Variants in FAM184A observed in about 807,000 individuals in gnomAD.
FAM184A encodes protein FAM184A.
A neutral mutation model predicts 143.8 loss-of-function variants in FAM184A; 99 were observed. The observed-to-expected ratio is 0.69, with a 90% CI of 0.58 to 0.81. The LOEUF (loss-of-function observed/expected upper bound fraction) is 0.81. FAM184A is among the 40% of genes least tolerant of loss of function. The pLI, the probability that FAM184A is intolerant of heterozygous loss-of-function variation, is 0.00. For missense variants in FAM184A, 1,217 were observed against 1,310.5 expected (o/e 0.93, Z 1.10); for synonymous variants, 427 against 446.4 (o/e 0.96, Z 0.55).
chr6:119,070,349 T>G (rs564595487), intron 1 of FAM184A, among the ~76,000 whole-genome samples: 7 of 152,190 alleles, frequency 4.6e-5, no homozygotes, highest in Non-Finnish European at 8.8e-5. Flanking sequence ...CTAAAATTTT[T>G]GCTTGGTCTT....
chr6:119,115,970 A>AAC (rs66707302), intron 1 of FAM184A, among the ~76,000 whole-genome samples: 11,726 of 137,312 alleles, frequency 0.085, 503 homozygotes, highest in Middle Eastern at 0.19. Flanking sequence ...CTCCGTCTCA[A>AAC]ACACACACAC....
At chr6:118,996,992 G>A (rs1278801583) in intron 9 of FAM184A, among the ~76,000 whole-genome samples, 1 of 96,002 alleles carries the variant, frequency 1.0e-5, no homozygotes, top group Non-Finnish European at 2.2e-5. Flanking sequence ...CCCACATGCT[G>A]GGATTACAGG....
intron 1 of FAM184A, among the ~76,000 whole-genome samples, chr6:119,124,695 GAA>G (rs528390518): frequency 4.4e-4 from 67 of 151,830 alleles, no homozygotes; most frequent in African/African-American, 1.5e-3. Context: ...AATAAAACGT[GAA>G]AAGACATTAA....
intron 1 of FAM184A, among the ~76,000 whole-genome samples, chr6:119,118,799 A>G (rs1006850946): frequency 2.0e-5 from 3 of 152,118 alleles, no homozygotes; most frequent in Non-Finnish European, 2.9e-5. Flanking sequence ...ACAATATGAA[A>G]TCTGGGCACC....
chr6:119,058,433 C>T (rs1429686257), intron 1 of FAM184A, among the ~76,000 whole-genome samples: 1 of 152,020 alleles, frequency 6.6e-6, no homozygotes, highest in Non-Finnish European at 1.5e-5. Context: ...AAACTCCTGA[C>T]TTCAGGTGAT....
At position 118,974,550 on chromosome 6, in the gene FAM184A, C is replaced by G. The variant is rs754511252; in HGVS notation, c.2793G>C (p.Lys931Asn). 2.5e-6 allele frequency: 4 copies of G among 1,606,784 alleles called. No homozygotes were observed. Among genetic ancestry groups the G allele is most frequent in the African/African-American group, 2.7e-5 (2 of 74,672 alleles). Residue 931 changes from lysine (K) to asparagine (N), a missense_variant, in exon 14 of 18, where the codon AAG (lysine) becomes AAC (asparagine). By Grantham distance (94) the Lys-to-Asn change is moderately conservative. Transcript: ENST00000338891. ...TGACATCCAACTCTTTTTCAAGTCT[C>G]TTGTTTAAATCTTGTTCATGCAACC... ...QIRLHEQDLN[K>N]RLEKELDVMT...
chr6:119,049,953 T>C (rs1383230887), intron 1 of FAM184A, among the ~76,000 whole-genome samples: 2 of 152,154 alleles, frequency 1.3e-5, no homozygotes, highest in Admixed American at 6.5e-5. Context: ...AGATCTAATA[T>C]CCAGCATCTA....
chr6:119,054,083 G>T (rs1786869390), intron 1 of FAM184A, among the ~76,000 whole-genome samples: 1 of 12,934 alleles, frequency 7.7e-5, no homozygotes, highest in South Asian at 8.8e-3. Context: ...AAATCCTTTA[G>T]AGAAAAAAAA....
intron 1 of FAM184A, among the ~76,000 whole-genome samples, chr6:119,054,147 C>T (rs763776110): frequency 6.6e-6 from 1 of 152,116 alleles, no homozygotes; most frequent in Non-Finnish European, 1.5e-5. Context: ...TTTCTACTAT[C>T]CCATCTCCAC....
Position 118,964,717 on chromosome 6 carries a change from T to G in FAM184A, c.3088A>C (p.Lys1030Gln). ...ACAGTAGGACTTGAGTTAAACACTT[T>G]GTTGAAGTTAGTTTCTCGATTGACT... ...ELVNRETNFN[K>Q]VFNSSPTVGV... Residue 1030 changes from lysine (K) to glutamine (Q), a missense_variant, in exon 16 of 18, where the codon AAA becomes CAA. By Grantham distance (53) the Lys-to-Gln change is moderately conservative (BLOSUM62 1). Coordinates refer to ENST00000338891, the MANE Select transcript of FAM184A (RefSeq NM_024581.6). 5.0e-6 allele frequency: 8 copies of G among 1,610,522 alleles called. No homozygotes were observed. Among genetic ancestry groups the G allele is most frequent in the Non-Finnish European group, 6.8e-6 (8 of 1,177,512 alleles).
chr6:119,081,452 A>G (rs1788064207), upstream of FAM184A, among the ~76,000 whole-genome samples: 1 of 152,158 alleles, frequency 6.6e-6, no homozygotes, highest in Non-Finnish European at 1.5e-5. Flanking sequence ...TCTAGGGGTG[A>G]ATGTTTATAG....
chr6:118,982,345 C>CA (rs1431892710), intron 9 of FAM184A, among the ~76,000 whole-genome samples: 5 of 152,204 alleles, frequency 3.3e-5, no homozygotes, highest in African/African-American at 1.2e-4. Flanking sequence ...ACCCTAGTCC[C>CA]AGCCTAAGCA....
At chr6:119,000,117 A>T (rs1296515723) in intron 9 of FAM184A, among the ~76,000 whole-genome samples, 2 of 152,172 alleles carry the variant, frequency 1.3e-5, no homozygotes, top group Non-Finnish European at 2.9e-5. Context: ...CATCTCCCTT[A>T]ATTTTTCAGT....
chr6:119,062,491 T>C (rs1787297908), intron 1 of FAM184A, among the ~76,000 whole-genome samples: 1 of 151,960 alleles, frequency 6.6e-6, no homozygotes, highest in South Asian at 2.1e-4. Flanking sequence ...AAATCCTGTC[T>C]CTATAAAAAA....
At chr6:119,079,607 C>T (rs1182444550), upstream of FAM184A, among the ~76,000 whole-genome samples, 1 of 151,976 alleles carries the variant, frequency 6.6e-6, no homozygotes, top group African/African-American at 2.4e-5. Flanking sequence ...ATGGATAATA[C>T]TTTAAAAACG....
intron 1 of FAM184A, among the ~76,000 whole-genome samples, chr6:119,133,590 C>T (rs116466632): frequency 0.016 from 2,458 of 152,128 alleles, 66 homozygotes; most frequent in African/African-American, 0.053. Context: ...CTCATGTTAA[C>T]CAGTTACCTG....
At chr6:119,052,716 C>G (rs1786813804) in intron 1 of FAM184A, among the ~76,000 whole-genome samples, 1 of 152,200 alleles carries the variant, frequency 6.6e-6, no homozygotes. Flanking sequence ...AATCAACAAC[C>G]AACCACCAGA....
intron 7 of FAM184A, chr6:119,006,083 G>T (rs774121856): frequency 1.3e-6 from 1 of 765,186 alleles, no homozygotes; most frequent in Non-Finnish European, 2.4e-6. Context: ...ATGAGCCCTT[G>T]TTCCAATATG....
chr6:119,019,323 T>C (rs1351334033), intron 4 of FAM184A, among the ~76,000 whole-genome samples: 3 of 152,196 alleles, frequency 2.0e-5, no homozygotes, highest in African/African-American at 7.2e-5. Flanking sequence ...AGGATGGCAC[T>C]GAGGGCTGAG....
Sources: allele counts gnomAD v4.1 joint callset (sites outside exome capture counted in the v4.1 genomes callset), GRCh38; gene constraint gnomAD v4.1.1; transcripts MANE v1.5; gene names NCBI Gene and HGNC (gene_info 2026-07-23, HGNC 2026-07-21).